The following SNTG2 variants were observed in gnomAD, a reference collection of about 807,000 sequenced individuals.
SNTG2 encodes syntrophin gamma 2.
In SNTG2, 74 loss-of-function variants were observed where a neutral mutation model predicts 70.9. The ratio of observed to expected loss-of-function variants is 1.04; its 90% CI spans 0.86 to 1.27. The LOEUF (loss-of-function observed/expected upper bound fraction) is 1.27, where lower values mean the gene tolerates loss of function less well. Ranked by LOEUF, SNTG2 falls within the 50% of genes most tolerant of loss-of-function variation. The pLI, the probability that SNTG2 is intolerant of heterozygous loss-of-function variation, is 0.00. For missense variants in SNTG2, 717 were observed against 690.7 expected, an observed-to-expected ratio of 1.04 and a Z score of -0.43; for synonymous variants, 278 against 273.8, an observed-to-expected ratio of 1.02 and a Z score of -0.15.
At chr2:1,311,610 A>G (rs1269822138) in intron 15 of SNTG2, among the ~76,000 whole-genome samples, 2 of 152,232 alleles carry the variant, frequency 1.3e-5, no homozygotes, top group Non-Finnish European at 2.9e-5. Context: ...GTATATTGAT[A>G]GGAACATCAA....
chr2:1,282,150 A>G (rs879432350), intron 14 of SNTG2, among the ~76,000 whole-genome samples: 4 of 152,194 alleles, frequency 2.6e-5, no homozygotes, highest in African/African-American at 4.8e-5. Context: ...GTATGACTAC[A>G]GTAATGTCCT....
intron 6 of SNTG2, among the ~76,000 whole-genome samples, chr2:1,156,935 C>T (rs1669937417): frequency 6.6e-6 from 1 of 152,102 alleles, no homozygotes; most frequent in African/African-American, 2.4e-5. Context: ...CAGTGAGACC[C>T]TTGGAGGCCA....
rs34835668 is a variant in SNTG2 at position 1,306,685 on chromosome 2, A to AGTGTGTGTGTGTGTGTGTGT, written c.1285-1803_1285-1784dup. 2.0e-5 allele frequency among the ~76,000 whole-genome samples: 3 copies of AGTGTGTGTGTGTGTGTGTGT among 149,006 alleles called. No homozygotes were observed. The South Asian group carries it at 6.4e-4, about 32-fold the overall frequency. On this transcript the variant is annotated intron_variant, in intron 14 of 16. Coordinates refer to ENST00000308624, the MANE Select transcript of SNTG2 (RefSeq NM_018968.4). ...TCCAGCCTCCCTCGGCCAGGGTGTG[A>AGTGTGTGTGTGTGTGTGTGT]GTGTGTGTGTGTGTGTGTGTGTGTG...
In SNTG2 at chr2:1,162,365, C is replaced by T. The variant is rs574522724; in HGVS notation, c.412-3183C>T. Among the ~76,000 whole-genome samples, 39 of 152,266 alleles carry T rather than the reference C, an allele frequency of 2.6e-4. 1 individual carries two copies. Among genetic ancestry groups the T allele is most frequent in the Middle Eastern group, 6.8e-3 (2 of 294 alleles). On this transcript the variant is annotated intron_variant, in intron 6 of 16. Coordinates refer to ENST00000308624, the MANE Select transcript of SNTG2 (RefSeq NM_018968.4). ...ACTGGCTGGGCGACAGACTCACATACGGAAGCTGTGTGTGGCCTGGTCCTT... is the reference window on the plus strand; with the variant it reads ...ACTGGCTGGGCGACAGACTCACATATGGAAGCTGTGTGTGGCCTGGTCCTT...
intron 12 of SNTG2, among the ~76,000 whole-genome samples, chr2:1,257,832 A>T (rs1465214396): frequency 6.6e-6 from 1 of 152,224 alleles, no homozygotes; most frequent in Admixed American, 6.5e-5. Flanking sequence ...ATTTAATGAC[A>T]TGGGAAAATG....
At chr2:1,172,548 A>C (rs1671196060) in intron 7 of SNTG2, among the ~76,000 whole-genome samples, 1 of 152,174 alleles carries the variant, frequency 6.6e-6, no homozygotes, top group African/African-American at 2.4e-5. Flanking sequence ...GAGCATGAAG[A>C]TCTATGAACT....
At chr2:1,155,001 CACAA>C (rs1426567003) in intron 6 of SNTG2, among the ~76,000 whole-genome samples, 26 of 81,256 alleles carry the variant, frequency 3.2e-4, no homozygotes, top group African/African-American at 4.3e-4. Flanking sequence ...TATACACACA[CACAA>C]ACAACACATA....
At chr2:996,450 A>G (rs1391594037) in intron 1 of SNTG2, among the ~76,000 whole-genome samples, 2 of 152,264 alleles carry the variant, frequency 1.3e-5, no homozygotes, top group Non-Finnish European at 2.9e-5. Context: ...AAATGGGTTT[A>G]GGAATAAACA....
intron 9 of SNTG2, among the ~76,000 whole-genome samples, chr2:1,222,057 G>GTCTCTCTCTGTCTC (rs1482343282): frequency 6.2e-5 from 2 of 32,368 alleles, no homozygotes; most frequent in Non-Finnish European, 6.4e-5. Flanking sequence ...GTCTCTCTCT[G>GTCTCTCTCTGTCTC]TCTCTGTTTC....
intron 14 of SNTG2, among the ~76,000 whole-genome samples, chr2:1,303,604 GGAA>G (rs1680549274): frequency 6.6e-6 from 1 of 151,960 alleles, no homozygotes; most frequent in African/African-American, 2.4e-5. Flanking sequence ...TAAACCCCAA[GGAA>G]GAGCAGATAT....
intron 11 of SNTG2, among the ~76,000 whole-genome samples, chr2:1,240,321 G>T (rs1379326610): frequency 6.6e-6 from 1 of 152,150 alleles, no homozygotes; most frequent in Non-Finnish European, 1.5e-5. Context: ...TACCTTTGTA[G>T]CCACCCTCAG....
At chr2:1,127,693 G>T (rs1207722772) in intron 4 of SNTG2, among the ~76,000 whole-genome samples, 3 of 151,942 alleles carry the variant, frequency 2.0e-5, no homozygotes, top group Non-Finnish European at 1.5e-5. Context: ...TCCAAGGGGT[G>T]TGTGTGTATG....
intron 1 of SNTG2, among the ~76,000 whole-genome samples, chr2:990,814 G>C (rs1661465234): frequency 6.6e-6 from 1 of 151,306 alleles, no homozygotes; most frequent in Non-Finnish European, 1.5e-5. Context: ...TCCTAATTCT[G>C]GAAATGCCGT....
At chr2:1,000,203 C>T (rs1661821242) in intron 1 of SNTG2, among the ~76,000 whole-genome samples, 1 of 151,564 alleles carries the variant, frequency 6.6e-6, no homozygotes, top group Non-Finnish European at 1.5e-5. Flanking sequence ...AATTAACAAC[C>T]TAACATTGCA....
Position 1,014,586 on chromosome 2 carries a change from T to A in SNTG2, c.72+63518T>A, listed in dbSNP as rs377764370. Reference sequence around the variant, plus strand: ...AGGGTGGTCTGGAGAAGGATTTATATGGGCAGAGAGAAGGGTGGTCTGGAG... The same window carrying A: ...AGGGTGGTCTGGAGAAGGATTTATAAGGGCAGAGAGAAGGGTGGTCTGGAG... On this transcript the variant is annotated intron_variant, in intron 1 of 16. Transcript: ENST00000308624. Among the ~76,000 whole-genome samples, 59 of 87,058 alleles carry A rather than the reference T, an allele frequency of 6.8e-4. 2 individuals carry two copies. Among genetic ancestry groups the A allele is most frequent in the South Asian group, 5.8e-3 (16 of 2,772 alleles). 57.1% of individuals were successfully genotyped at this position (87,058 alleles called of 152,430 possible). A position where few individuals can be genotyped will look rare whatever the true frequency, so the allele number is the denominator to read the frequency against.
rs557981766 is a variant in SNTG2 at position 960,636 on chromosome 2, G to C, written c.72+9568G>C. Among the ~76,000 whole-genome samples the C allele has an allele frequency of 5.9e-4, 86 of 145,096 alleles. 1 individual carries two copies. The Middle Eastern group carries it at 0.011, about 18-fold the overall frequency. ...GTGAGCTCTGAGGGTTCCCGGGCAT[G>C]GCTGTAGGTTCTGAAGGGGGTGCTC... On this transcript the variant is annotated intron_variant, in intron 1 of 16. Transcript: ENST00000308624.
At chr2:1,173,259 T>G (rs920165181) in intron 8 of SNTG2, 76 bp downstream of exon 8, 1 of 1,318,512 alleles carries the variant, frequency 7.6e-7, no homozygotes, top group Non-Finnish European at 1.1e-6. Flanking sequence ...TAGACAGAAT[T>G]AAAAAGATGC....
chr2:1,308,342 G>A (rs1368883765), intron 14 of SNTG2, among the ~76,000 whole-genome samples, 152 bp from the exon 15 acceptor site: 1 of 152,102 alleles, frequency 6.6e-6, no homozygotes, highest in Non-Finnish European at 1.5e-5. Context: ...GGGTCTCCCG[G>A]GACCCTGCAT....
intron 6 of SNTG2, among the ~76,000 whole-genome samples, chr2:1,143,976 C>T (rs1668935799): frequency 6.6e-6 from 1 of 150,838 alleles, no homozygotes; most frequent in Non-Finnish European, 1.5e-5. Flanking sequence ...TTGCAATTCT[C>T]ATGAAAACTC....
Sources: allele counts gnomAD v4.1 joint callset (sites outside exome capture counted in the v4.1 genomes callset), GRCh38; gene constraint gnomAD v4.1.1; transcripts MANE v1.5; gene names NCBI Gene and HGNC (gene_info 2026-07-23, HGNC 2026-07-21).